The following OR7E24 variants were observed in gnomAD, a reference collection of about 807,000 sequenced individuals.
The protein encoded by OR7E24 is olfactory receptor 7E24.
For missense variants in OR7E24, 385 were observed against 410.3 expected, an observed-to-expected ratio of 0.94 and a Z score of 0.53; for synonymous variants, 130 against 157.5, an observed-to-expected ratio of 0.83 and a Z score of 1.31.
chr19:9,222,134 A>T, the OR7E24 span, among the ~76,000 whole-genome samples: 9 of 152,122 alleles, frequency 5.9e-5, no homozygotes, highest in Non-Finnish European at 8.8e-5. Flanking sequence ...CTATAAATAC[A>T]TGGATTTATT....
chr19:9,247,346 G>A (rs1312297324), upstream of OR7E24: 10 of 397,012 alleles, frequency 2.5e-5, no homozygotes, highest in Admixed American at 4.4e-5. Flanking sequence ...TGCAGTGTGA[G>A]CTTCCAGTCC....
At chr19:9,247,577 TG>T (rs2066134033), upstream of OR7E24, 1 of 398,534 alleles carries the variant, frequency 2.5e-6, no homozygotes, top group Non-Finnish European at 4.4e-6. Context: ...AACAGGACAG[TG>T]GGGTGGCAGA....
At chr19:9,235,274 T>A in the OR7E24 span, 1 of 1,336,400 alleles carries the variant, frequency 7.5e-7, no homozygotes, top group Non-Finnish European at 1.1e-6. Flanking sequence ...GGGAACCTAC[T>A]CATCATCCTG....
At chr19:9,217,651 G>A in the OR7E24 span, among the ~76,000 whole-genome samples, 2 of 152,130 alleles carry the variant, frequency 1.3e-5, no homozygotes, top group African/African-American at 4.8e-5. Flanking sequence ...CGATTCTCCT[G>A]TCTCAGCCTC....
chr19:9,223,561 C>T, the OR7E24 span, among the ~76,000 whole-genome samples: 1 of 152,114 alleles, frequency 6.6e-6, no homozygotes, highest in South Asian at 2.1e-4. Flanking sequence ...TTCCAGACAA[C>T]GTGGATGACC....
the OR7E24 span, among the ~76,000 whole-genome samples, chr19:9,225,186 C>G: frequency 6.6e-6 from 1 of 151,966 alleles, no homozygotes; most frequent in Non-Finnish European, 1.5e-5. Flanking sequence ...ACCAGCCTGA[C>G]CAACATGGGG....
chr19:9,212,075 A>G, the OR7E24 span: 2 of 152,074 alleles, frequency 1.3e-5, no homozygotes, highest in African/African-American at 4.8e-5. Flanking sequence ...TTTTGTGCGT[A>G]GATAGTAGCT....
the OR7E24 span, among the ~76,000 whole-genome samples, chr19:9,229,005 G>A: frequency 9.9e-5 from 15 of 152,170 alleles, no homozygotes; most frequent in South Asian, 2.1e-4. Context: ...TGGTTTCAAG[G>A]ATGTATGCCT....
At chr19:9,214,528 A>G in the OR7E24 span, 2 of 1,614,182 alleles carry the variant, frequency 1.2e-6, no homozygotes, top group Non-Finnish European at 1.7e-6. Flanking sequence ...AACATCATTA[A>G]AAAATACACC....
At chr19:9,233,634 G>A in the OR7E24 span, among the ~76,000 whole-genome samples, 1 of 152,180 alleles carries the variant, frequency 6.6e-6, no homozygotes, top group East Asian at 1.9e-4. Context: ...AGAGGTAACA[G>A]TTCTATTCAT....
upstream of OR7E24, chr19:9,247,563 C>G (rs545219006): frequency 4.8e-5 from 19 of 398,716 alleles, no homozygotes; most frequent in African/African-American, 2.9e-4. Flanking sequence ...TCATCCTCAG[C>G]ACAAACAGGA....
upstream of OR7E24, among the ~76,000 whole-genome samples, chr19:9,242,355 T>C (rs1268153864): frequency 6.6e-6 from 1 of 152,212 alleles, no homozygotes; most frequent in Non-Finnish European, 1.5e-5. Context: ...CAAGCAATTC[T>C]TGTGTCTCAG....
At chr19:9,245,056 A>T (rs1047491792), upstream of OR7E24, among the ~76,000 whole-genome samples, 1 of 142,018 alleles carries the variant, frequency 7.0e-6, no homozygotes, top group African/African-American at 3.0e-5. Context: ...ATACAAAAAA[A>T]TACAAAAAAA....
the OR7E24 span, among the ~76,000 whole-genome samples, chr19:9,239,157 A>G: frequency 1.2e-4 from 18 of 151,698 alleles, no homozygotes; most frequent in Non-Finnish European, 2.4e-4. Flanking sequence ...CACATACCCA[A>G]CATTTTTACA....
chr19:9,222,248 G>C, the OR7E24 span, among the ~76,000 whole-genome samples: 1 of 152,180 alleles, frequency 6.6e-6, no homozygotes, highest in Non-Finnish European at 1.5e-5. Context: ...AAATCAGGTA[G>C]TGTGATGCCT....
chr19:9,250,018 G>A (rs1428397795), upstream of OR7E24, among the ~76,000 whole-genome samples: 1 of 152,050 alleles, frequency 6.6e-6, no homozygotes, highest in Non-Finnish European at 1.5e-5. Context: ...TCATCCACAG[G>A]TACGTTGCAC....
the OR7E24 span, among the ~76,000 whole-genome samples, chr19:9,233,454 G>A: frequency 3.3e-4 from 51 of 152,322 alleles, no homozygotes; most frequent in African/African-American, 1.2e-3. Context: ...CACGAGAACA[G>A]ACTCACACGT....
the OR7E24 span, among the ~76,000 whole-genome samples, chr19:9,215,889 G>A: frequency 6.6e-6 from 1 of 152,088 alleles, no homozygotes; most frequent in African/African-American, 2.4e-5. Context: ...TGCTGATAAA[G>A]ACATACCTGA....
the OR7E24 span, chr19:9,211,774 C>G: frequency 1.3e-5 from 1 of 75,930 alleles, no homozygotes; most frequent in African/African-American, 3.8e-5. Flanking sequence ...GACTCCATCT[C>G]AAAAAAAAAA....
Sources: allele counts gnomAD v4.1 joint callset (sites outside exome capture counted in the v4.1 genomes callset), GRCh38; gene constraint gnomAD v4.1.1; transcripts MANE v1.5; gene names NCBI Gene and HGNC (gene_info 2026-07-23, HGNC 2026-07-21).